The following FNDC1 variants were observed in gnomAD, a reference collection of about 807,000 sequenced individuals.
FNDC1 encodes the protein fibronectin type III domain-containing protein 1.
FNDC1 carries 96 observed loss-of-function variants against 168.0 expected under a neutral mutation model. That is an observed-to-expected ratio of 0.57 (90% CI 0.48 to 0.68). The LOEUF is 0.68. FNDC1 is among the 30% of genes least tolerant of loss of function. The pLI is 0.00. For missense variants in FNDC1, 2,587 were observed against 2,482.1 expected, an observed-to-expected ratio of 1.04 and a Z score of -0.90; for synonymous variants, 1,099 against 1,025.9, an observed-to-expected ratio of 1.07 and a Z score of -1.36.
At chr6:159,221,840 G>A (rs1181806903) in intron 6 of FNDC1, 144 bp downstream of exon 6, 7 of 688,178 alleles carry the variant, frequency 1.0e-5, no homozygotes, top group South Asian at 5.2e-5. Flanking sequence ...CACATTTTGG[G>A]TGTAAGCGTG....
intron 4 of FNDC1, among the ~76,000 whole-genome samples, chr6:159,213,206 A>G (rs1487824059): frequency 1.3e-5 from 2 of 152,172 alleles, no homozygotes; most frequent in Admixed American, 1.3e-4. Flanking sequence ...AGCGTGTGCA[A>G]TGAGCAGAAA....
intron 17 of FNDC1, among the ~76,000 whole-genome samples, chr6:159,255,299 T>C (rs929116419): frequency 6.6e-6 from 1 of 152,168 alleles, no homozygotes; most frequent in Non-Finnish European, 1.5e-5. Flanking sequence ...TTGCCCAGGA[T>C]TCCCACTACC....
chr6:159,256,053 C>T (rs1173035195), intron 17 of FNDC1, among the ~76,000 whole-genome samples: 1 of 152,240 alleles, frequency 6.6e-6, no homozygotes, highest in Non-Finnish European at 1.5e-5. Flanking sequence ...ACCAAGTGGG[C>T]ATGGGACCCC....
rs1782276739 is a variant in FNDC1 at position 159,197,603 on chromosome 6, C to T, written c.282C>T (p.Tyr94=). 1 of 1,612,584 alleles carries T rather than the reference C, an allele frequency of 6.2e-7. No homozygotes were observed. Among genetic ancestry groups the T allele is most frequent in the African/African-American group, 1.3e-5 (1 of 74,888 alleles). ...ACATCAAGGTGAATGCGGAGACATA[C>T]TCCTTCCTTATTGAGGATGTGGGTA... ...LKYIKVNAET[Y]SFLIEDVEPG... is the part of the protein sequence containing the mutation. The change falls in exon 2 of 23, where the codon TAC becomes TAT. Residue 94 remains tyrosine, a synonymous_variant. Transcript: ENST00000297267.
chr6:159,234,284 C>G lies in FNDC1; in HGVS notation c.3772C>G (p.Pro1258Ala). The change falls in exon 11 of 23, where the codon CCT becomes GCT. Residue 1258 changes from proline (P) to alanine (A), a missense_variant. Transcript: ENST00000297267. ...PGSSPRASHV[P>A]SRLPPRSAAT... Reference sequence around the variant, plus strand: ...CAGCTCCCCCAGGGCCTCCCACGTCCCTTCCCGACTGCCGCCTCGCAGCGC... The same window carrying G: ...CAGCTCCCCCAGGGCCTCCCACGTCGCTTCCCGACTGCCGCCTCGCAGCGC... 2 of 1,600,740 alleles carry G rather than the reference C, an allele frequency of 1.2e-6. No individual in the cohort carries two copies. Among genetic ancestry groups the G allele is most frequent in the Non-Finnish European group, 1.7e-6 (2 of 1,173,834 alleles).
chr6:159,232,380 A>G lies in FNDC1; in HGVS notation c.1868A>G (p.His623Arg). ...PPSASASPAH[H>R]ASTQGTSHRP... ...TCGGCTTCGGCCTCTCCTGCCCACC[A>G]CGCGTCCACCCAGGGCACCTCTCAT... The change falls in exon 11 of 23, where the codon CAC (histidine) becomes CGC (arginine). Residue 623 changes from histidine (H) to arginine (R), a missense_variant. Coordinates refer to ENST00000297267, the MANE Select transcript of FNDC1 (RefSeq NM_032532.3). The surrounding 1 kb of genome is among the most constrained non-coding windows in gnomAD (Gnocchi z 4.9). The G allele has an allele frequency of 6.2e-7, 1 of 1,613,266 alleles. No homozygotes were observed. Among genetic ancestry groups the G allele is most frequent in the Non-Finnish European group, 8.5e-7 (1 of 1,179,588 alleles).
In FNDC1 at chr6:159,233,689, C is replaced by G; in HGVS notation, c.3177C>G (p.Ser1059Arg). ...CCTCCTCGGACCCTTACACGGCGAG[C>G]TCCAGAGGGATGCTCCCCACGGCCC... ...SHSSSDPYTA[S>R]SRGMLPTALQ... is the part of the protein sequence containing the mutation. The change falls in exon 11 of 23, where the codon AGC becomes AGG. Residue 1059 changes from serine (S) to arginine (R), a missense_variant. Physicochemically the swap from Ser to Arg is moderately radical, Grantham distance 110. Coordinates refer to ENST00000297267, the MANE Select transcript of FNDC1 (RefSeq NM_032532.3). This position sits in a 1 kb window ranked among gnomAD's most constrained non-coding sequence, Gnocchi z 4.6. The G allele has an allele frequency of 6.5e-7, 1 of 1,549,664 alleles. No individual in the cohort carries two copies. Among genetic ancestry groups the G allele is most frequent in the South Asian group, 1.2e-5 (1 of 84,058 alleles).
In FNDC1 at chr6:159,199,984, C is replaced by T. The variant is rs769947790; in HGVS notation, c.305-12C>T. The stretch of plus-strand genomic sequence containing the variant: ...TCTGAATTGGTGGCTTGATATGAAC[C>T]GTATGTTTCAGAGCCGGGGGTAGTG... On this transcript the variant is annotated splice_polypyrimidine_tract_variant and intron_variant, in intron 2 of 22. Transcript: ENST00000297267. The T allele has an allele frequency of 2.6e-5, 41 of 1,595,904 alleles. No homozygotes were observed. Among genetic ancestry groups the T allele is most frequent in the East Asian group, 6.8e-5 (3 of 44,292 alleles).
At chr6:159,176,970 G>T (rs1355438265) in intron 1 of FNDC1, among the ~76,000 whole-genome samples, 4 of 152,248 alleles carry the variant, frequency 2.6e-5, no homozygotes, top group African/African-American at 9.6e-5. Flanking sequence ...GAAATGGCTC[G>T]TATGTTCCAG....
rs1458472187 is a variant in FNDC1 at position 159,234,157 on chromosome 6, C to T, written c.3645C>T (p.Ala1215=). Residue 1215 remains alanine, a synonymous_variant, in exon 11 of 23, where the codon GCC becomes GCT. Coordinates refer to ENST00000297267, the MANE Select transcript of FNDC1 (RefSeq NM_032532.3). ...SSSTPRGGKD[A]DGSLAKEERE... is the part of the protein sequence containing the mutation. ...CCACTCCCAGGGGCGGCAAAGACGC[C>T]GATGGGAGCCTCGCCAAGGAAGAGA... 1 of 1,598,198 alleles carries T rather than the reference C, an allele frequency of 6.3e-7. No individual in the cohort carries two copies. Among genetic ancestry groups the T allele is most frequent in the Non-Finnish European group, 8.5e-7 (1 of 1,172,886 alleles).
intron 1 of FNDC1, among the ~76,000 whole-genome samples, chr6:159,183,833 G>A (rs533882632): frequency 4.6e-5 from 7 of 152,298 alleles, no homozygotes; most frequent in Admixed American, 1.3e-4. Flanking sequence ...TGAAGATTTG[G>A]CAGCATGAAA....
In FNDC1 at chr6:159,265,001, C is replaced by A; in HGVS notation, c.5281C>A (p.Pro1761Thr). Residue 1761 changes from proline to threonine, a missense_variant, in exon 20 of 23, where the codon CCA becomes ACA. By Grantham distance (38) the Pro-to-Thr change is conservative. Coordinates refer to ENST00000297267, the MANE Select transcript of FNDC1 (RefSeq NM_032532.3). ...TAATCCTCTGCTTGTTGTGAGGCCCCCAGGTAAGTTTATGTTCTTGATAAT... is the reference window on the plus strand; with the variant it reads ...TAATCCTCTGCTTGTTGTGAGGCCCACAGGTAAGTTTATGTTCTTGATAAT... Reference protein sequence around the residue: ...SDNPLLVVRPPGGEPIWIPFA... With the variant: ...SDNPLLVVRPTGGEPIWIPFA... 6.2e-7 allele frequency: 1 copy of A among 1,605,770 alleles called. No individual in the cohort carries two copies. The highest frequency in any genetic ancestry group is 8.5e-7 in the Non-Finnish European group (1 of 1,175,184).
At chr6:159,252,300 G>A (rs747256570) in intron 17 of FNDC1, among the ~76,000 whole-genome samples, 3 of 152,146 alleles carry the variant, frequency 2.0e-5, no homozygotes, top group Admixed American at 6.5e-5. Flanking sequence ...GGGAGGTAGC[G>A]GTCGCATTAG....
chr6:159,187,949 C>T (rs9456374), intron 1 of FNDC1, among the ~76,000 whole-genome samples: 43,727 of 152,122 alleles, frequency 0.29, 7,750 homozygotes, highest in Non-Finnish European at 0.4. Flanking sequence ...CCAAGCTATA[C>T]TGCTATTGTA....
chr6:159,196,421 G>C (rs1360791708), intron 1 of FNDC1, among the ~76,000 whole-genome samples: 1 of 152,170 alleles, frequency 6.6e-6, no homozygotes, highest in Non-Finnish European at 1.5e-5. Flanking sequence ...AATTATCTAT[G>C]TTTATTCTGT....
In FNDC1 at chr6:159,232,580, G is replaced by C; in HGVS notation, c.2068G>C (p.Gly690Arg). The C allele has an allele frequency of 6.2e-7, 1 of 1,609,076 alleles. No homozygotes were observed. The highest frequency in any genetic ancestry group is 8.5e-7 in the Non-Finnish European group (1 of 1,176,920). The change falls in exon 11 of 23, where the codon GGC (glycine) becomes CGC (arginine). Residue 690 changes from glycine to arginine, a missense_variant. Transcript: ENST00000297267. The surrounding 1 kb of genome is among the most constrained non-coding windows in gnomAD (Gnocchi z 4.9). ...CCGCGACAGAAGCTCTGTGCACCCC[G>C]GCGCAAAGCCAGCCTCGCCGGCCCG... ...VLRDRSSVHPGAKPASPARRT... is the reference protein window; with the variant it reads ...VLRDRSSVHPRAKPASPARRT...
intron 1 of FNDC1, among the ~76,000 whole-genome samples, chr6:159,184,158 G>A (rs888445178): frequency 1.3e-5 from 2 of 152,176 alleles, no homozygotes; most frequent in African/African-American, 4.8e-5. Context: ...GCTTTGAAAT[G>A]GGGATCAAAG....
chr6:159,238,139 A>T (rs402727), intron 12 of FNDC1, among the ~76,000 whole-genome samples: 1 of 149,726 alleles, frequency 6.7e-6, no homozygotes, highest in African/African-American at 2.5e-5. Context: ...GCCCTGTCAC[A>T]CAGGCTGGAG....
At chr6:159,210,226 G>A (rs533248476) in intron 4 of FNDC1, among the ~76,000 whole-genome samples, 3 of 152,318 alleles carry the variant, frequency 2.0e-5, no homozygotes, top group Admixed American at 2.0e-4. Context: ...TGCCACACAT[G>A]GCTACTGGTG....
Sources: allele counts gnomAD v4.1 joint callset (sites outside exome capture counted in the v4.1 genomes callset), GRCh38; gene constraint gnomAD v4.1.1; non-coding constraint Gnocchi (gnomAD v3.1); transcripts MANE v1.5; gene names NCBI Gene and HGNC (gene_info 2026-07-23, HGNC 2026-07-21).